The following MYBL1 variants were observed in gnomAD, a reference collection of about 807,000 sequenced individuals.
MYBL1 encodes MYB proto-oncogene like 1.
Under a neutral mutation model 96.3 loss-of-function variants are expected in MYBL1, and 17 were observed. The observed-to-expected ratio is 0.18, with a 90% CI of 0.12 to 0.26. The LOEUF (loss-of-function observed/expected upper bound fraction) is 0.26. Among genes scored for constraint, MYBL1 ranks in the 10% least tolerant of loss-of-function variants. The pLI, the probability that MYBL1 is intolerant of heterozygous loss-of-function variation, is 1.00. For missense variants in MYBL1, 701 were observed against 882.9 expected, an observed-to-expected ratio of 0.79 and a Z score of 2.61; for synonymous variants, 282 against 292.7, an observed-to-expected ratio of 0.96 and a Z score of 0.37.
intron 12 of MYBL1, among the ~76,000 whole-genome samples, chr8:66,569,339 CT>C (rs763757243): frequency 0.012 from 1,703 of 137,490 alleles, 24 homozygotes; most frequent in African/African-American, 0.038. Context: ...ACCGCATTTT[CT>C]TTTTTTTTTT....
rs763796727 is a variant in MYBL1, at chr8:66,573,358, A to G, written c.1613+6T>C. ...TCTCTAACACAATTATTTAATACCT[A>G]CTTACCCTACATTTTCCTTTTGATC... On this transcript the variant is annotated splice_donor_region_variant and intron_variant, in intron 11 of 15. Coordinates refer to ENST00000522677, the MANE Select transcript of MYBL1 (RefSeq NM_001080416.4). The G allele has an allele frequency of 2.8e-5, 45 of 1,604,676 alleles. No homozygotes were observed. Among genetic ancestry groups the G allele is most frequent in the Non-Finnish European group, 3.7e-5 (43 of 1,176,850 alleles).
At chr8:66,596,214 A>T (rs1391048042) in intron 5 of MYBL1, among the ~76,000 whole-genome samples, 1 of 152,216 alleles carries the variant, frequency 6.6e-6, no homozygotes, top group Non-Finnish European at 1.5e-5. Flanking sequence ...CCAGATAAAG[A>T]GTATAGCAAG....
Position 66,595,680 on chromosome 8 carries a change from C to A in MYBL1, c.590G>T (p.Gly197Val), listed in dbSNP as rs201510981. ...KVEQEGYLQDGIKSERSSSKL... is the reference protein window; with the variant it reads ...KVEQEGYLQDVIKSERSSSKL... The stretch of plus-strand genomic sequence containing the variant: ...AGATGAAGATCGTTCTGATTTTATT[C>A]CATCTTGTAAATAGCCCTCCTGTTC... The change falls in exon 6 of 16, where the codon GGA becomes GTA. Residue 197 changes from glycine (G) to valine (V), a missense_variant. By Grantham distance (109) the Gly-to-Val change is moderately radical. This residue lies in a region of MYBL1 where 396 missense variants were observed against 407.4 expected (regional missense o/e 0.97). Transcript: ENST00000522677. 56 of 1,583,942 alleles carry A rather than the reference C, an allele frequency of 3.5e-5. No individual in the cohort carries two copies. In the East Asian group the frequency reaches 1.3e-3, roughly 35 times the overall value.
chr8:66,583,155 C>T (rs1809284385), intron 8 of MYBL1, among the ~76,000 whole-genome samples: 1 of 152,028 alleles, frequency 6.6e-6, no homozygotes. Flanking sequence ...CTTTTTGGAC[C>T]ACAATGAAAT....
chr8:66,593,020 T>G (rs1436592450), intron 7 of MYBL1, 100 bp downstream of exon 7: 2 of 723,520 alleles, frequency 2.8e-6, no homozygotes, highest in African/African-American at 3.6e-5. Flanking sequence ...GATCGTATTA[T>G]TTTTATACTA....
intron 3 of MYBL1, among the ~76,000 whole-genome samples, chr8:66,600,644 C>T (rs79378996): frequency 0.012 from 1,804 of 152,178 alleles, 38 homozygotes; most frequent in African/African-American, 0.039. Context: ...ATCAAAGAGG[C>T]TAAGTAATTT....
chr8:66,566,327 G>T, intron 14 of MYBL1, 84 bp from the exon 15 acceptor site: 2 of 759,292 alleles, frequency 2.6e-6, no homozygotes, highest in Non-Finnish European at 4.0e-6. Flanking sequence ...GGTAATGGAA[G>T]CCCTGTTTAT....
intron 3 of MYBL1, among the ~76,000 whole-genome samples, chr8:66,599,571 T>C (rs1179139466): frequency 6.6e-6 from 1 of 151,938 alleles, no homozygotes; most frequent in Non-Finnish European, 1.5e-5. Flanking sequence ...GAGGCCGAGG[T>C]GGGTGGATCA....
intron 8 of MYBL1, among the ~76,000 whole-genome samples, chr8:66,581,074 C>A (rs911702145): frequency 2.0e-5 from 3 of 152,032 alleles, no homozygotes; most frequent in African/African-American, 7.2e-5. Flanking sequence ...GTTGGCCAGG[C>A]TGGTCTCAAA....
intron 4 of MYBL1, 111 bp from the exon 5 acceptor site, chr8:66,597,661 A>C: frequency 1.5e-6 from 1 of 680,706 alleles, no homozygotes; most frequent in African/African-American, 1.8e-5. Flanking sequence ...CACAACTACA[A>C]TTTGTTAAAA....
At chr8:66,601,558 G>C (rs1810074395) in intron 3 of MYBL1, 140 bp downstream of exon 3, 1 of 550,318 alleles carries the variant, frequency 1.8e-6, no homozygotes, top group Admixed American at 3.4e-5. Flanking sequence ...CAACCAACTA[G>C]AGGCAGACCA....
intron 1 of MYBL1, among the ~76,000 whole-genome samples, chr8:66,611,409 T>C (rs1810521741): frequency 6.6e-6 from 1 of 152,224 alleles, no homozygotes; most frequent in Non-Finnish European, 1.5e-5. Flanking sequence ...TGATGTTAAT[T>C]GGGTCCTTGA....
intron 7 of MYBL1, 42 bp from the exon 8 acceptor site, chr8:66,592,586 A>G (rs1443417718): frequency 2.6e-6 from 3 of 1,157,592 alleles, no homozygotes; most frequent in Non-Finnish European, 2.5e-6. Flanking sequence ...ATGCTTATAT[A>G]ATTGCTTTAT....
intron 8 of MYBL1, among the ~76,000 whole-genome samples, chr8:66,588,482 G>C (rs1343637632): frequency 1.3e-5 from 2 of 151,952 alleles, no homozygotes; most frequent in Non-Finnish European, 2.9e-5. Context: ...GTTTCGCCAT[G>C]TTGCCCAGGC....
intron 5 of MYBL1, 95 bp from the exon 6 acceptor site, chr8:66,595,852 C>A (rs937425118): frequency 3.0e-6 from 2 of 677,302 alleles, no homozygotes; most frequent in Non-Finnish European, 4.5e-6. Context: ...CAAATTTTTA[C>A]ACTGATGAAA....
intron 1 of MYBL1, among the ~76,000 whole-genome samples, chr8:66,608,216 A>G (rs1290866627): frequency 6.6e-6 from 1 of 152,156 alleles, no homozygotes; most frequent in Non-Finnish European, 1.5e-5. Context: ...CACATACTTT[A>G]TTGTGAGAAA....
intron 4 of MYBL1, among the ~76,000 whole-genome samples, chr8:66,598,377 A>G (rs1270479332): frequency 1.3e-5 from 2 of 152,242 alleles, no homozygotes; most frequent in Non-Finnish European, 1.5e-5. Context: ...CAGCCTGGGC[A>G]ACATAGCGAG....
intron 1 of MYBL1, among the ~76,000 whole-genome samples, chr8:66,611,927 GTTTA>G (rs1469511173): frequency 2.0e-5 from 3 of 152,078 alleles, no homozygotes; most frequent in Admixed American, 6.5e-5. Context: ...ATCTTTTCAG[GTTTA>G]TTTGATAATG....
chr8:66,610,138 C>T (rs1294885435), intron 1 of MYBL1, among the ~76,000 whole-genome samples: 2 of 151,834 alleles, frequency 1.3e-5, no homozygotes, highest in South Asian at 2.1e-4. Context: ...AACTGACTTT[C>T]GAATCTAAAA....
Sources: gnomAD v4.1 joint callset for allele counts (sites outside exome capture counted in the v4.1 genomes callset) on GRCh38, gnomAD v4.1.1 for gene constraint, gnomAD v4.1.1 regional missense constraint, MANE v1.5 for transcripts, NCBI Gene and HGNC (gene_info 2026-07-23, HGNC 2026-07-21) for gene names.